GUCY2F: variants seen among roughly 807,000 people sequenced by gnomAD.
The protein encoded by GUCY2F is retinal guanylyl cyclase 2.
A neutral mutation model predicts 73.1 loss-of-function variants in GUCY2F; 61 were observed. The observed-to-expected ratio is 0.83, with a 90% confidence interval of 0.68 to 1.03. GUCY2F has a LOEUF of 1.03. Among genes scored for constraint, GUCY2F ranks in the 50% least tolerant of loss-of-function variants. The pLI, the probability that GUCY2F is intolerant of heterozygous loss-of-function variation, is 0.00. For missense variants in GUCY2F, 912 were observed against 854.3 expected (o/e 1.07, Z -0.84); for synonymous variants, 331 against 307.8 (o/e 1.08, Z -0.79).
chrX:109,474,645 T>C (rs1451231584), intron 2 of GUCY2F, among the ~76,000 whole-genome samples: 1 of 111,752 alleles, frequency 8.9e-6, no homozygotes, highest in Non-Finnish European at 1.9e-5. Context: ...GTGCCCCCCA[T>C]ATCAACTAAC....
At chrX:109,404,274 T>C (rs183142562) in intron 10 of GUCY2F, 54 bp downstream of exon 10, 196 of 883,847 alleles carry the variant, frequency 2.2e-4, no homozygotes, top group African/African-American at 2.0e-3. Flanking sequence ...CATATTTTCA[T>C]TTGAACTTTG....
In GUCY2F at chrX:109,404,483, C is replaced by A. The variant is rs751666123; in HGVS notation, c.1970G>T (p.Gly657Val). ...KSSLLLDLIK[G>V]MKYLHHREFV... ...CTCTCTGTGGTGTAAGTACTTCATG[C>A]CCTGTAGATGACACAACAGGATTTA... The change falls in exon 10 of 20, where the codon GGC becomes GTC. Residue 657 changes from glycine (G) to valine (V), a missense_variant and splice_region_variant. Physicochemically the swap from Gly to Val is moderately radical, Grantham distance 109. Coordinates refer to ENST00000218006, the MANE Select transcript of GUCY2F (RefSeq NM_001522.3). 8.5e-7 allele frequency: 1 copy of A among 1,170,336 alleles called. No homozygotes were observed. The highest frequency in any genetic ancestry group is 1.2e-6 in the Non-Finnish European group (1 of 863,893).
chrX:109,426,757 T>C (rs181349102), intron 8 of GUCY2F, among the ~76,000 whole-genome samples: 11 of 111,954 alleles, frequency 9.8e-5, no homozygotes, highest in African/African-American at 1.9e-4. Context: ...ATGGTAGCAG[T>C]GTTTGGCCAA....
intron 2 of GUCY2F, among the ~76,000 whole-genome samples, chrX:109,467,284 A>T (rs1370593836): frequency 1.8e-5 from 2 of 112,201 alleles, no homozygotes; most frequent in Non-Finnish European, 3.8e-5. Context: ...TCAAATTAGT[A>T]TAGTCATAGG....
intron 8 of GUCY2F, among the ~76,000 whole-genome samples, chrX:109,425,807 A>T (rs1013967670): frequency 3.1e-4 from 34 of 111,211 alleles, no homozygotes; most frequent in African/African-American, 8.5e-4. Flanking sequence ...ATGGAAATAA[A>T]TTTTTTTAAG....
intron 15 of GUCY2F, 23 bp downstream of exon 15, chrX:109,388,466 C>G: frequency 2.6e-6 from 3 of 1,144,296 alleles, no homozygotes; most frequent in Non-Finnish European, 3.6e-6. Flanking sequence ...AGAATGTTTC[C>G]TCTTACTTTA....
At chrX:109,419,676 C>G (rs748178045) in intron 8 of GUCY2F, among the ~76,000 whole-genome samples, 77 of 109,976 alleles carry the variant, frequency 7.0e-4, no homozygotes, top group Non-Finnish European at 1.3e-3. Context: ...ATAAAGAAAA[C>G]TTAAATAAAT....
rs33971675 is a variant in GUCY2F, at chrX:109,475,458, A to T, written c.479T>A (p.Ile160Asn). ...TGTCCGAGAAAAGGTCGGGTAGCTA[A>T]TTTTATTGTCTAATTCATAATTCAC... ...ACVNYELDNK[I>N]SYPTFSRTLP... Residue 160 changes from isoleucine to asparagine, a missense_variant, in exon 2 of 20, where the codon ATT (isoleucine) becomes AAT (asparagine). Physicochemically the swap from Ile to Asn is moderately radical, Grantham distance 149. Transcript: ENST00000218006. 4.6e-3 allele frequency: 5,604 copies of T among 1,209,598 alleles called. 56 individuals are homozygous for T. The highest frequency in any genetic ancestry group is 0.045 in the East Asian group (1,512 of 33,726).
intron 2 of GUCY2F, among the ~76,000 whole-genome samples, chrX:109,469,889 G>C (rs888109354): frequency 9.0e-6 from 1 of 111,280 alleles, no homozygotes; most frequent in African/African-American, 3.3e-5. Flanking sequence ...TAGACTTTTG[G>C]AACACTATAC....
chrX:109,373,036 A>G (rs1255397925), intron 19 of GUCY2F, 37 bp from the exon 20 acceptor site: 2 of 112,705 alleles, frequency 1.8e-5, no homozygotes, highest in East Asian at 5.6e-4. Flanking sequence ...ACCATACCTT[A>G]TATATCCTAG....
intron 14 of GUCY2F, among the ~76,000 whole-genome samples, chrX:109,390,357 G>T (rs1930531184): frequency 8.9e-6 from 1 of 112,036 alleles, no homozygotes; most frequent in Non-Finnish European, 1.9e-5. Context: ...TTCCATTTCA[G>T]ATTATCAAGT....
intron 17 of GUCY2F, among the ~76,000 whole-genome samples, chrX:109,380,007 T>C (rs1258112239): frequency 8.9e-6 from 1 of 112,209 alleles, no homozygotes; most frequent in Non-Finnish European, 1.9e-5. Context: ...AATTAATCCA[T>C]GTTTTTGATT....
intron 7 of GUCY2F, among the ~76,000 whole-genome samples, 195 bp downstream of exon 7, chrX:109,441,156 A>G (rs1327615832): frequency 2.7e-5 from 3 of 112,353 alleles, no homozygotes; most frequent in Non-Finnish European, 3.8e-5. Context: ...GTGAAGTTAT[A>G]AATAAGTAGA....
chrX:109,374,640 G>A (rs913224812), intron 19 of GUCY2F, among the ~76,000 whole-genome samples: 1 of 111,580 alleles, frequency 9.0e-6, no homozygotes, highest in African/African-American at 3.3e-5. Flanking sequence ...GAGAGAGAGA[G>A]AGAGAGGCTA....
chrX:109,446,833 C>G lies in GUCY2F; in HGVS notation c.1569+1236G>C, dbSNP rs749316706. ...CAAAAGAAACTACCATCAGAGTGAA[C>G]AGGCAACCTACAGAATGGGAGAAAA... is the stretch of plus-strand genomic sequence containing the variant. On this transcript the variant is annotated intron_variant, in intron 6 of 19. Transcript: ENST00000218006. Among the ~76,000 whole-genome samples the G allele has an allele frequency of 8.7e-3, 978 of 111,855 alleles. 8 individuals carry two copies. Among genetic ancestry groups the G allele is most frequent in the African/African-American group, 0.03 (921 of 30,704 alleles).
At chrX:109,391,741 T>C (rs1930566331) in intron 14 of GUCY2F, among the ~76,000 whole-genome samples, 170 bp downstream of exon 14, 1 of 112,066 alleles carries the variant, frequency 8.9e-6, no homozygotes, top group East Asian at 2.8e-4. Context: ...ACATGCATTC[T>C]ACCCGGCTCT....
chrX:109,473,572 A>G (rs1204435430), intron 2 of GUCY2F, among the ~76,000 whole-genome samples: 2 of 111,260 alleles, frequency 1.8e-5, no homozygotes, highest in African/African-American at 3.3e-5. Context: ...TCTAGCATGC[A>G]GCCACACTGA....
At chrX:109,426,637 C>T (rs1381316039) in intron 8 of GUCY2F, among the ~76,000 whole-genome samples, 1 of 111,964 alleles carries the variant, frequency 8.9e-6, no homozygotes, top group Non-Finnish European at 1.9e-5. Context: ...GATCCGCCCG[C>T]CTCGGCCTCC....
intron 17 of GUCY2F, among the ~76,000 whole-genome samples, chrX:109,380,373 C>G (rs370706456): frequency 1.8e-5 from 2 of 111,270 alleles, no homozygotes; most frequent in East Asian, 5.7e-4. Context: ...CCCATGTGCC[C>G]CAGCCCTTAT....
Sources: allele counts gnomAD v4.1 joint callset (sites outside exome capture counted in the v4.1 genomes callset), GRCh38; gene constraint gnomAD v4.1.1; transcripts MANE v1.5; gene names NCBI Gene and HGNC (gene_info 2026-07-23, HGNC 2026-07-21).